The following GALNT13 variants were observed in gnomAD, a reference collection of about 807,000 sequenced individuals.
The protein encoded by GALNT13 is polypeptide N-acetylgalactosaminyltransferase 13.
GALNT13 carries 28 observed loss-of-function variants against 64.2 expected under a neutral mutation model. The ratio of observed to expected loss-of-function variants is 0.44; its 90% CI spans 0.32 to 0.60. GALNT13 has a LOEUF of 0.60. GALNT13 is among the 20% of genes least tolerant of loss of function. GALNT13 has a pLI of 0.05. For missense variants in GALNT13, 577 were observed against 669.8 expected (o/e 0.86, Z 1.53); for synonymous variants, 214 against 224.6 (o/e 0.95, Z 0.42).
intron 4 of GALNT13, among the ~76,000 whole-genome samples, chr2:154,169,660 A>G (rs1685245297): frequency 6.6e-6 from 1 of 152,152 alleles, no homozygotes; most frequent in Admixed American, 6.6e-5. Context: ...TGAGAAAGGC[A>G]GCTCTCTTCA....
At chr2:153,099,662 CTATT>C in the GALNT13 span, among the ~76,000 whole-genome samples, 1 of 152,160 alleles carries the variant, frequency 6.6e-6, no homozygotes, top group Non-Finnish European at 1.5e-5. Context: ...AGGTGTAACT[CTATT>C]TAATGTTTTT....
chr2:153,696,018 A>G, the GALNT13 span, among the ~76,000 whole-genome samples: 1 of 152,150 alleles, frequency 6.6e-6, no homozygotes, highest in Admixed American at 6.6e-5. Context: ...AGACGTATAT[A>G]TAAAGGGGAG....
At chr2:154,041,646 T>A (rs1377711649) in intron 3 of GALNT13, among the ~76,000 whole-genome samples, 1 of 140,928 alleles carries the variant, frequency 7.1e-6, no homozygotes, top group African/African-American at 2.4e-5. Flanking sequence ...GTTAAGAATA[T>A]ACATGTTTAA....
At chr2:154,255,878 T>C (rs1455305098) in intron 7 of GALNT13, among the ~76,000 whole-genome samples, 1 of 151,658 alleles carries the variant, frequency 6.6e-6, no homozygotes, top group Non-Finnish European at 1.5e-5. Flanking sequence ...ATAGCAAAAC[T>C]CTGTCTCTAC....
intron 4 of GALNT13, among the ~76,000 whole-genome samples, chr2:154,196,337 T>C (rs1270780896): frequency 1.3e-5 from 2 of 152,212 alleles, no homozygotes; most frequent in African/African-American, 4.8e-5. Context: ...TCATCTGTGA[T>C]TTTTGGCTAC....
chr2:154,455,268 G>C (rs1559165859), downstream of GALNT13, among the ~76,000 whole-genome samples: 1 of 152,080 alleles, frequency 6.6e-6, no homozygotes, highest in African/African-American at 2.4e-5. Context: ...AATGATGATC[G>C]TATCTGCTCA....
At chr2:153,896,275 T>A (rs1440872093) in intron 1 of GALNT13, among the ~76,000 whole-genome samples, 1 of 150,894 alleles carries the variant, frequency 6.6e-6, no homozygotes, top group East Asian at 2.0e-4. Flanking sequence ...CTTAATTTTC[T>A]GACTATAATA....
intron 2 of GALNT13, among the ~76,000 whole-genome samples, chr2:153,916,410 G>GA (rs1689350246): frequency 6.6e-6 from 1 of 152,042 alleles, no homozygotes; most frequent in South Asian, 2.1e-4. Context: ...TCCTGCCTCA[G>GA]CCTCCCAAAC....
chr2:153,144,274 A>G, the GALNT13 span, among the ~76,000 whole-genome samples: 5 of 151,898 alleles, frequency 3.3e-5, no homozygotes, highest in African/African-American at 1.2e-4. Context: ...GAGAATGGAG[A>G]TCTAGTATTG....
chr2:153,623,419 A>G, the GALNT13 span, among the ~76,000 whole-genome samples: 10 of 152,080 alleles, frequency 6.6e-5, no homozygotes, highest in Non-Finnish European at 1.3e-4. Flanking sequence ...CTTGGCATCA[A>G]ATCTTCTTTT....
chr2:153,630,661 A>T, the GALNT13 span, among the ~76,000 whole-genome samples: 19 of 146,532 alleles, frequency 1.3e-4, no homozygotes, highest in East Asian at 1.8e-3. Flanking sequence ...TAATAAAATT[A>T]AAAAAAATTA....
chr2:153,781,603 G>A, the GALNT13 span, among the ~76,000 whole-genome samples: 3 of 151,908 alleles, frequency 2.0e-5, no homozygotes, highest in South Asian at 2.1e-4. Context: ...GGGCTTTTGT[G>A]TGTACATATA....
the GALNT13 span, among the ~76,000 whole-genome samples, chr2:153,306,807 G>T: frequency 6.6e-6 from 1 of 152,136 alleles, no homozygotes; most frequent in Non-Finnish European, 1.5e-5. Flanking sequence ...AGGCTAGAGC[G>T]CAGTGGCGTG....
chr2:153,326,899 C>CCT, the GALNT13 span, among the ~76,000 whole-genome samples: 1 of 152,018 alleles, frequency 6.6e-6, no homozygotes, highest in Non-Finnish European at 1.5e-5. Context: ...GCCTGACAAA[C>CCT]ATGGTGAAAC....
At chr2:153,325,746 TG>T in the GALNT13 span, among the ~76,000 whole-genome samples, 1 of 152,294 alleles carries the variant, frequency 6.6e-6, no homozygotes, top group South Asian at 2.1e-4. Flanking sequence ...GCCTTAATTT[TG>T]TTATTTACCC....
chr2:153,103,606 G>C, the GALNT13 span, among the ~76,000 whole-genome samples: 1 of 152,236 alleles, frequency 6.6e-6, no homozygotes, highest in African/African-American at 2.4e-5. Flanking sequence ...TGATGCCAAC[G>C]CTATAAATGG....
the GALNT13 span, among the ~76,000 whole-genome samples, chr2:153,809,490 A>G: frequency 6.6e-6 from 1 of 152,124 alleles, no homozygotes; most frequent in Non-Finnish European, 1.5e-5. Context: ...TTCTCTTTGC[A>G]TGTATCTCCT....
At chr2:154,447,380 G>T (rs1219137172) in intron 12 of GALNT13, among the ~76,000 whole-genome samples, 1 of 151,644 alleles carries the variant, frequency 6.6e-6, no homozygotes, top group Non-Finnish European at 1.5e-5. Flanking sequence ...TTTTTAAGTT[G>T]TATCTTTTAT....
At chr2:154,285,606 T>A (rs1358220993) in intron 8 of GALNT13, among the ~76,000 whole-genome samples, 1 of 152,220 alleles carries the variant, frequency 6.6e-6, no homozygotes, top group Non-Finnish European at 1.5e-5. Context: ...CCATGCTTTT[T>A]TGATTTATAA....
Sources: gnomAD v4.1 joint callset for allele counts (sites outside exome capture counted in the v4.1 genomes callset) on GRCh38, gnomAD v4.1.1 for gene constraint, MANE v1.5 for transcripts, NCBI Gene and HGNC (gene_info 2026-07-23, HGNC 2026-07-21) for gene names.